The following LRRC7 variants were observed in gnomAD, a reference collection of about 807,000 sequenced individuals.
LRRC7 encodes the protein leucine-rich repeat-containing protein 7.
A neutral mutation model predicts 175.7 loss-of-function variants in LRRC7; 23 were observed. The ratio of observed to expected loss-of-function variants is 0.13; its 90% CI spans 0.09 to 0.19. The LOEUF (loss-of-function observed/expected upper bound fraction) is 0.19, where lower values mean the gene tolerates loss of function less well. Ranked by LOEUF, LRRC7 falls within the 10% of genes least tolerant of loss-of-function variation. The probability of loss-of-function intolerance (pLI) is 1.00; values close to 1 mark genes in which losing one functional copy is unlikely to be tolerated. For missense variants in LRRC7, 1,354 were observed against 1,904.7 expected, an observed-to-expected ratio of 0.71 and a Z score of 5.38; for synonymous variants, 685 against 680.9, an observed-to-expected ratio of 1.01 and a Z score of -0.09.
chr1:69,789,981 C>T (rs1226749528), intron 3 of LRRC7, among the ~76,000 whole-genome samples: 1 of 151,966 alleles, frequency 6.6e-6, no homozygotes, highest in African/African-American at 2.4e-5. Context: ...GATTATAAGA[C>T]ACATCCATAT....
At chr1:69,922,138 C>G (rs919210301) in intron 7 of LRRC7, among the ~76,000 whole-genome samples, 5 of 152,174 alleles carry the variant, frequency 3.3e-5, no homozygotes, top group Admixed American at 2.0e-4. Context: ...GTTGGCCAGG[C>G]TGGTCTCGAA....
chr1:69,771,648 A>G (rs1420455570), intron 3 of LRRC7, among the ~76,000 whole-genome samples: 2 of 152,232 alleles, frequency 1.3e-5, no homozygotes, highest in East Asian at 1.9e-4. Flanking sequence ...TTGTTCATTC[A>G]GCAAGCATTT....
chr1:69,722,039 T>A (rs1178839244), intron 2 of LRRC7, among the ~76,000 whole-genome samples: 6 of 151,892 alleles, frequency 4.0e-5, no homozygotes, highest in Non-Finnish European at 5.9e-5. Flanking sequence ...CCCAACTCTA[T>A]CCCTAGCCAA....
intron 7 of LRRC7, among the ~76,000 whole-genome samples, chr1:69,846,116 A>T (rs529388942): frequency 2.6e-5 from 4 of 152,156 alleles, no homozygotes; most frequent in African/African-American, 7.2e-5. Flanking sequence ...GATAATTATG[A>T]CATTCTATAT....
chr1:70,096,179 G>A (rs1281258917), intron 25 of LRRC7, among the ~76,000 whole-genome samples: 2 of 152,156 alleles, frequency 1.3e-5, no homozygotes, highest in Admixed American at 6.5e-5. Flanking sequence ...GTTTCACCAT[G>A]TTGGGCAGGC....
intron 2 of LRRC7, among the ~76,000 whole-genome samples, chr1:69,716,841 A>C (rs893462841): frequency 6.6e-6 from 1 of 151,872 alleles, no homozygotes; most frequent in Non-Finnish European, 1.5e-5. Flanking sequence ...AGTAAATAAG[A>C]TTATTTGAAT....
intron 1 of LRRC7, among the ~76,000 whole-genome samples, chr1:69,637,975 AAGAG>A (rs1172937515): frequency 1.3e-5 from 2 of 151,790 alleles, no homozygotes; most frequent in African/African-American, 4.8e-5. Flanking sequence ...CAGTTTTGCA[AAGAG>A]AGAGAAAGGG....
At chr1:69,904,936 C>T (rs1303711193) in intron 7 of LRRC7, among the ~76,000 whole-genome samples, 1 of 152,092 alleles carries the variant, frequency 6.6e-6, no homozygotes, top group Non-Finnish European at 1.5e-5. Context: ...GTTTTCTGTG[C>T]CTGCATTAAT....
Position 70,019,848 on chromosome 1 carries a change from T to A in LRRC7, c.1420+1030T>A, listed in dbSNP as rs541073101. Among the ~76,000 whole-genome samples the A allele has an allele frequency of 2.6e-5, 4 of 152,172 alleles. No individual in the cohort carries two copies. In the South Asian group the frequency reaches 8.3e-4, roughly 32 times the overall value. On this transcript the variant is annotated intron_variant, in intron 15 of 26. Coordinates refer to ENST00000651989, the MANE Select transcript of LRRC7 (RefSeq NM_001370785.2). ...GAGACATCTTAAGTAAGGATTATGTTATATTCATGCAGCTTTACTTATATT... is the reference window on the plus strand; with the variant it reads ...GAGACATCTTAAGTAAGGATTATGTAATATTCATGCAGCTTTACTTATATT...
At chr1:69,889,046 C>G (rs914469680) in intron 7 of LRRC7, among the ~76,000 whole-genome samples, 3 of 152,170 alleles carry the variant, frequency 2.0e-5, no homozygotes, top group Non-Finnish European at 4.4e-5. Flanking sequence ...TGTACAATAG[C>G]ATTATGTCTT....
At chr1:69,795,909 TG>T (rs1252055996) in intron 4 of LRRC7, among the ~76,000 whole-genome samples, 2 of 80,140 alleles carry the variant, frequency 2.5e-5, no homozygotes, top group East Asian at 2.0e-4. Flanking sequence ...AGATTTTTTT[TG>T]GGTTTTTTTT....
chr1:69,974,231 A>G (rs999825022), intron 8 of LRRC7, among the ~76,000 whole-genome samples: 17 of 152,148 alleles, frequency 1.1e-4, no homozygotes, highest in Admixed American at 7.2e-4. Context: ...TTAACAACAT[A>G]TTACTTTTTC....
intron 25 of LRRC7, among the ~76,000 whole-genome samples, chr1:70,098,167 G>A (rs1325720052): frequency 6.6e-6 from 1 of 152,318 alleles, no homozygotes; most frequent in Admixed American, 6.5e-5. Flanking sequence ...CCTGGTGTGA[G>A]ATGGTATCTC....
intron 2 of LRRC7, among the ~76,000 whole-genome samples, chr1:69,745,741 G>A (rs1355660806): frequency 1.3e-5 from 2 of 151,596 alleles, no homozygotes; most frequent in Admixed American, 6.6e-5. Flanking sequence ...GTGTGTTTGT[G>A]TATGTATTTC....
intron 2 of LRRC7, among the ~76,000 whole-genome samples, chr1:69,695,175 G>A (rs1662411172): frequency 6.6e-6 from 1 of 152,168 alleles, no homozygotes; most frequent in African/African-American, 2.4e-5. Context: ...TGGAAATGAG[G>A]AAATTGTTGG....
At chr1:70,016,651 T>C (rs1260560149) in intron 14 of LRRC7, 117 bp downstream of exon 14, 4 of 754,444 alleles carry the variant, frequency 5.3e-6, no homozygotes, top group Middle Eastern at 4.1e-4. Context: ...AGATTGTTTT[T>C]ATCCCCAGAA....
chr1:69,590,272 G>A (rs1264553012), intron 1 of LRRC7, among the ~76,000 whole-genome samples: 3 of 152,054 alleles, frequency 2.0e-5, no homozygotes, highest in Non-Finnish European at 4.4e-5. Flanking sequence ...CAGGAGGCAT[G>A]GTTAAGTTTC....
At position 69,936,848 on chromosome 1, in the gene LRRC7, G is replaced by T. The variant is rs369225147; in HGVS notation, c.711+5278G>T. ...TGGTTTTCTGTTCCTGCATTAATTT[G>T]CTTGAGTTAATGGCCTCCAGCTGCA... is the stretch of plus-strand genomic sequence containing the variant. On this transcript the variant is annotated intron_variant, in intron 8 of 26. Coordinates refer to ENST00000651989, the MANE Select transcript of LRRC7 (RefSeq NM_001370785.2). Among the ~76,000 whole-genome samples the T allele has an allele frequency of 1.7e-4, 26 of 152,142 alleles. 1 individual carries two copies. Among genetic ancestry groups the T allele is most frequent in the African/African-American group, 6.3e-4 (26 of 41,522 alleles).
chr1:69,933,310 G>A (rs1647581394), intron 8 of LRRC7, among the ~76,000 whole-genome samples: 1 of 152,184 alleles, frequency 6.6e-6, no homozygotes, highest in Non-Finnish European at 1.5e-5. Flanking sequence ...TAAGGCAAGA[G>A]TACCTCATAA....
Sources: allele counts gnomAD v4.1 joint callset (sites outside exome capture counted in the v4.1 genomes callset), GRCh38; gene constraint gnomAD v4.1.1; transcripts MANE v1.5; gene names NCBI Gene and HGNC (gene_info 2026-07-23, HGNC 2026-07-21).